OTUD3: variants seen among roughly 807,000 people sequenced by gnomAD.
The protein encoded by OTUD3 is OTU domain-containing protein 3.
In OTUD3, 24 loss-of-function variants were observed where a neutral mutation model predicts 46.2. The ratio of observed to expected loss-of-function variants is 0.52; its 90% CI spans 0.38 to 0.73. OTUD3 has a LOEUF of 0.73. Among genes scored for constraint, OTUD3 ranks in the 30% least tolerant of loss-of-function variants. The pLI is 0.00. For missense variants in OTUD3, 455 were observed against 523.3 expected (o/e 0.87, Z 1.27); for synonymous variants, 189 against 195.4 (o/e 0.97, Z 0.27).
At chr1:19,891,625 C>T (rs979258512) in intron 2 of OTUD3, among the ~76,000 whole-genome samples, 2 of 152,088 alleles carry the variant, frequency 1.3e-5, no homozygotes, top group African/African-American at 4.8e-5. Context: ...AGGGAGGAGA[C>T]AAGAGTGATT....
intron 1 of OTUD3, among the ~76,000 whole-genome samples, chr1:19,885,135 C>T (rs748977787): frequency 1.3e-5 from 2 of 152,120 alleles, no homozygotes; most frequent in Non-Finnish European, 2.9e-5. Context: ...TTTAGGGTGA[C>T]GGGTAGTGTA....
Position 19,897,676 on chromosome 1 carries a change from C to G in OTUD3, c.606+14C>G. The G allele has an allele frequency of 6.2e-7, 1 of 1,610,414 alleles. No homozygotes were observed. Among genetic ancestry groups the G allele is most frequent in the Non-Finnish European group, 8.5e-7 (1 of 1,178,442 alleles). ...CTCCAGACGGATGTGAGTGAGGCCT[C>G]GGATTTCTCCCGTATTCCCCGCCCT... On this transcript the variant is annotated intron_variant, in intron 4 of 7. Transcript: ENST00000375120.
At chr1:19,889,616 C>T (rs745662924) in intron 1 of OTUD3, among the ~76,000 whole-genome samples, 24 of 152,028 alleles carry the variant, frequency 1.6e-4, no homozygotes, top group South Asian at 2.1e-4. Context: ...TGTGATAGTT[C>T]GGAATTTAGA....
chr1:19,912,905 A>G lies in OTUD3; in HGVS notation c.*5159A>G, dbSNP rs1203696154. 1 of 152,372 alleles carries G rather than the reference A, an allele frequency of 6.6e-6. No individual in the cohort carries two copies. 9.4% of individuals were successfully genotyped at this position (152,372 alleles called of 1,614,324 possible). On this transcript the variant is annotated 3_prime_UTR_variant, in exon 8 of 8. Coordinates refer to ENST00000375120, the MANE Select transcript of OTUD3 (RefSeq NM_015207.2). ...AAAGATGTGCCACTTTATCTATGAA[A>G]TGGAGTTTTGTATACCAATAAATTC...
chr1:19,902,299 G>T (rs1036425198), intron 4 of OTUD3, among the ~76,000 whole-genome samples: 1 of 152,078 alleles, frequency 6.6e-6, no homozygotes, highest in African/African-American at 2.4e-5. Flanking sequence ...TCCGCCTCCC[G>T]GGTTCACGCC....
At chr1:19,885,227 G>T (rs938894281) in intron 1 of OTUD3, among the ~76,000 whole-genome samples, 10 of 152,174 alleles carry the variant, frequency 6.6e-5, no homozygotes, top group African/African-American at 2.4e-4. Context: ...TCTCTTCCAA[G>T]GTTCCTGTTA....
intron 4 of OTUD3, among the ~76,000 whole-genome samples, chr1:19,902,457 G>A (rs1377624974): frequency 3.3e-5 from 5 of 152,074 alleles, no homozygotes; most frequent in African/African-American, 1.2e-4. Context: ...CACCCACCTC[G>A]GCCTCCCAAA....
chr1:19,898,476 C>T (rs991832030), intron 4 of OTUD3, among the ~76,000 whole-genome samples: 2 of 151,882 alleles, frequency 1.3e-5, no homozygotes, highest in Non-Finnish European at 2.9e-5. Context: ...CACCTGTAAT[C>T]CCAGCACTTT....
intron 2 of OTUD3, among the ~76,000 whole-genome samples, chr1:19,891,721 G>GT (rs140853800): frequency 0.027 from 4,133 of 152,266 alleles, 163 homozygotes; most frequent in Admixed American, 0.091. Flanking sequence ...GGGAGAAAAG[G>GT]TATCAGTGAT....
At chr1:19,883,813 G>C (rs572665063) in intron 1 of OTUD3, among the ~76,000 whole-genome samples, 18 of 152,256 alleles carry the variant, frequency 1.2e-4, no homozygotes, top group Admixed American at 3.9e-4. Flanking sequence ...TGCAGAATAA[G>C]GTGTTTTAAA....
In OTUD3 at chr1:19,897,563, C is replaced by T. The variant is rs753899735; in HGVS notation, c.507C>T (p.Ser169=). Reference sequence around the variant, plus strand: ...AGATTCGTGGTACAGAGAAAAGCAGCGTGAGGGAGTTACACATCGCATATC... The same window carrying T: ...AGATTCGTGGTACAGAGAAAAGCAGTGTGAGGGAGTTACACATCGCATATC... ...LWQIRGTEKS[S]VRELHIAYRY... Residue 169 remains serine, a synonymous_variant, in exon 4 of 8, where the codon AGC becomes AGT. Transcript: ENST00000375120. 12 of 1,613,760 alleles carry T rather than the reference C, an allele frequency of 7.4e-6. No individual in the cohort carries two copies. The highest frequency in any genetic ancestry group is 6.7e-5 in the Admixed American group (4 of 59,978).
rs1334925450 is a variant in OTUD3 at position 19,910,396 on chromosome 1, T to G, written c.*2650T>G. 1 of 152,326 alleles carries G rather than the reference T, an allele frequency of 6.6e-6. No homozygotes were observed. The highest frequency in any genetic ancestry group is 1.5e-5 in the Non-Finnish European group (1 of 68,044). The allele number at this position is 152,326 out of a possible 1,614,324, so 9.4% of individuals were successfully genotyped here. A position where few individuals can be genotyped will look rare whatever the true frequency, so the allele number is the denominator to read the frequency against. Reference sequence around the variant, plus strand: ...AGGTTTTACGGATTTTGAAAATATTTTTTTTTAGAGGTCAAAATAAATACC... The same window carrying G: ...AGGTTTTACGGATTTTGAAAATATTGTTTTTTAGAGGTCAAAATAAATACC... On this transcript the variant is annotated 3_prime_UTR_variant, in exon 8 of 8. Coordinates refer to ENST00000375120, the MANE Select transcript of OTUD3 (RefSeq NM_015207.2).
Position 19,910,088 on chromosome 1 carries a change from T to G in OTUD3, c.*2342T>G, listed in dbSNP as rs1247632431. 6.6e-6 allele frequency: 1 copy of G among 152,388 alleles called. No individual in the cohort carries two copies. Among genetic ancestry groups the G allele is most frequent in the African/African-American group, 2.4e-5 (1 of 41,464 alleles). 9.4% of individuals were successfully genotyped at this position (152,388 alleles called of 1,614,324 possible). A position where few individuals can be genotyped will look rare whatever the true frequency, so the allele number is the denominator to read the frequency against. ...CATGAGAAGGTTGGAATCAACATGC[T>G]TAGTTGCCTCAGTGGGCACTTGAAA... On this transcript the variant is annotated 3_prime_UTR_variant, in exon 8 of 8. Coordinates refer to ENST00000375120, the MANE Select transcript of OTUD3 (RefSeq NM_015207.2).
At chr1:19,883,152 T>TAGA (rs1447826061) in intron 1 of OTUD3, among the ~76,000 whole-genome samples, 16 of 152,220 alleles carry the variant, frequency 1.1e-4, no homozygotes, top group African/African-American at 3.9e-4. Context: ...CCCCACTTGG[T>TAGA]AGAACGCTTT....
chr1:19,899,142 A>G (rs1380100999), intron 4 of OTUD3, among the ~76,000 whole-genome samples: 2 of 152,148 alleles, frequency 1.3e-5, no homozygotes, highest in African/African-American at 4.8e-5. Flanking sequence ...ATATTTGTCC[A>G]TGGATTAGAA....
intron 3 of OTUD3, 119 bp downstream of exon 3, chr1:19,894,599 G>C: frequency 1.7e-6 from 1 of 598,132 alleles, no homozygotes; most frequent in South Asian, 2.5e-5. Flanking sequence ...CTTGGTCTAC[G>C]AGCCTAACCA....
intron 5 of OTUD3, 54 bp downstream of exon 5, chr1:19,904,452 G>A: frequency 6.5e-7 from 1 of 1,542,182 alleles, no homozygotes; most frequent in South Asian, 1.2e-5. Context: ...GCTGTGCCTA[G>A]CTTACTTCTT....
chr1:19,882,434 T>G lies in OTUD3; in HGVS notation c.-80T>G, dbSNP rs1307125895. The G allele has an allele frequency of 7.6e-7, 1 of 1,308,994 alleles. No individual in the cohort carries two copies. The highest frequency in any genetic ancestry group is 1.5e-5 in the African/African-American group (1 of 64,676). 81.1% of individuals were successfully genotyped at this position (1,308,994 alleles called of 1,614,324 possible). A position where few individuals can be genotyped will look rare whatever the true frequency, so the allele number is the denominator to read the frequency against. On this transcript the variant is annotated 5_prime_UTR_variant, in exon 1 of 8. Transcript: ENST00000375120. Reference sequence around the variant, plus strand: ...GCCGGGCTCCGTTGCCCGCGCTGTTTTACCTTCCCAACGCTTGAGGCGGAC... The same window carrying G: ...GCCGGGCTCCGTTGCCCGCGCTGTTGTACCTTCCCAACGCTTGAGGCGGAC...
At chr1:19,899,021 G>A (rs1223763589) in intron 4 of OTUD3, among the ~76,000 whole-genome samples, 2 of 152,100 alleles carry the variant, frequency 1.3e-5, no homozygotes, top group African/African-American at 4.8e-5. Flanking sequence ...ATGTTGCCCA[G>A]GCTGCCCTCC....
Sources: allele counts gnomAD v4.1 joint callset (sites outside exome capture counted in the v4.1 genomes callset), GRCh38; gene constraint gnomAD v4.1.1; transcripts MANE v1.5; gene names NCBI Gene and HGNC (gene_info 2026-07-23, HGNC 2026-07-21).